SYNE4: variants seen among roughly 807,000 people sequenced by gnomAD.
The protein encoded by SYNE4 is spectrin repeat containing nuclear envelope family member 4, also known as nesprin-4.
SYNE4 carries 41 observed loss-of-function variants against 46.9 expected under a neutral mutation model. That is an observed-to-expected ratio of 0.87 (90% CI 0.68 to 1.13). SYNE4 has a LOEUF of 1.13. Ranked by LOEUF, SYNE4 falls within the 50% of genes most tolerant of loss-of-function variation. SYNE4 has a pLI of 0.00. For synonymous variants in SYNE4, 221 were observed against 219.5 expected, an observed-to-expected ratio of 1.01 and a Z score of -0.06; for missense variants, 492 against 514.8, an observed-to-expected ratio of 0.96 and a Z score of 0.43.
rs928159872 is a variant in SYNE4, at chr19:36,008,643, T to C, written c.39A>G (p.Ser13=). Residue 13 remains serine (S), a synonymous_variant, in exon 1 of 8, where the codon TCA becomes TCG. Coordinates refer to ENST00000324444, the MANE Select transcript of SYNE4 (RefSeq NM_001039876.3). ...CTCCCGGTGGGTGGTTGAGGGGCTC[T>C]GAGCCAAGTCTAGGGCCCAGAGGCA... is the stretch of plus-strand genomic sequence containing the variant. The part of the protein sequence containing the change: ...LSLPLGPRLG[S]EPLNHPPGAP... 1.9e-6 allele frequency: 3 copies of C among 1,613,792 alleles called. No homozygotes were observed. The African/African-American group carries it at 4.0e-5, about 22-fold the overall frequency.
In SYNE4 at chr19:36,008,234, C is replaced by G. The variant is rs200389249; in HGVS notation, c.262G>C (p.Gly88Arg). 6.2e-7 allele frequency: 1 copy of G among 1,611,124 alleles called. No individual in the cohort carries two copies. Among genetic ancestry groups the G allele is most frequent in the East Asian group, 2.2e-5 (1 of 44,804 alleles). Residue 88 changes from glycine to arginine, a missense_variant, in exon 2 of 8, where the codon GGG (glycine) becomes CGG (arginine). Gly to Arg is a moderately radical substitution (Grantham distance 125). Transcript: ENST00000324444. ...STPSSYEDPA[G>R]GKHCEHPISG... ...CAGCTCACCTCACAGTGTTTGCCCC[C>G]AGCTGGGTCCTCGTAGGAAGAGGGT... is the stretch of plus-strand genomic sequence containing the variant.
At chr19:36,007,394 T>C (rs777090189) in intron 2 of SYNE4, 126 bp from the exon 3 acceptor site, 102 of 1,437,014 alleles carry the variant, frequency 7.1e-5, no homozygotes, top group Non-Finnish European at 8.8e-5. Context: ...TCCGGGTCTG[T>C]CTGCACCAGG....
At chr19:36,007,839 C>G (rs545241150) in intron 2 of SYNE4, among the ~76,000 whole-genome samples, 2 of 151,894 alleles carry the variant, frequency 1.3e-5, no homozygotes, top group South Asian at 4.2e-4. Flanking sequence ...GCCTGGCCAA[C>G]AAGTCGAAAA....
rs867961537 is a variant in SYNE4, at chr19:36,006,215, G to T, written c.867+208C>A. The stretch of plus-strand genomic sequence containing the variant: ...GGCATCATCTGGGGGCCTCAGGATA[G>T]GAGTGAATTTGAGATGGGGCTTGAG... On this transcript the variant is annotated intron_variant, in intron 5 of 7. Coordinates refer to ENST00000324444, the MANE Select transcript of SYNE4 (RefSeq NM_001039876.3). The T allele has an allele frequency of 5.8e-5, 39 of 671,812 alleles. No individual in the cohort carries two copies. In the Middle Eastern group the frequency reaches 3.0e-3, roughly 52 times the overall value. The allele number at this position is 671,812 out of a possible 1,614,324, so 41.6% of individuals were successfully genotyped here.
chr19:36,006,249 C>T, intron 5 of SYNE4, 174 bp downstream of exon 5: 2 of 931,474 alleles, frequency 2.1e-6, no homozygotes, highest in Non-Finnish European at 3.0e-6. Context: ...AGGATGTAGA[C>T]AGAGACAGAC....
At chr19:36,007,404 G>C in intron 2 of SYNE4, 136 bp from the exon 3 acceptor site, 1 of 1,428,858 alleles carries the variant, frequency 7.0e-7, no homozygotes, top group East Asian at 2.6e-5. Flanking sequence ...TCTGCACCAG[G>C]ATGGCTCCCA....
rs10469279 is a variant in SYNE4 at position 36,005,219 on chromosome 19, A to G, written c.972+114T>C. ...AATTCAACAGTGCCTGGACCTTTCCATTACTTTTTTTTTTTTTAATAGCAT... is the reference window on the plus strand; with the variant it reads ...AATTCAACAGTGCCTGGACCTTTCCGTTACTTTTTTTTTTTTTAATAGCAT... On this transcript the variant is annotated intron_variant, in intron 6 of 7. Transcript: ENST00000324444. 439,146 of 1,083,978 alleles carry G rather than the reference A, an allele frequency of 0.41. 98,196 individuals carry two copies. The highest frequency in any genetic ancestry group is 0.78 in the African/African-American group (48,729 of 62,636). The allele number at this position is 1,083,978 out of a possible 1,614,324, so 67.1% of individuals were successfully genotyped here.
chr19:36,006,272 CAGTG>C, intron 5 of SYNE4, 147 bp downstream of exon 5: 1 of 1,068,584 alleles, frequency 9.4e-7, no homozygotes, highest in Non-Finnish European at 1.3e-6. Context: ...GAGAGAGAAA[CAGTG>C]AGATAGAAGG....
intron 2 of SYNE4, 155 bp from the exon 3 acceptor site, chr19:36,007,423 G>A (rs1282820826): frequency 4.6e-5 from 45 of 985,326 alleles, no homozygotes; most frequent in Non-Finnish European, 5.4e-5. Context: ...CACTGGGGGG[G>A]CCTTCCCAGT....
Position 36,005,371 on chromosome 19 carries a change from C to CTAAG in SYNE4, c.930_933dup (p.Ala312LeufsTer?), listed in dbSNP as rs779642231. 6.2e-7 allele frequency: 1 copy of CTAAG among 1,614,066 alleles called. No individual in the cohort carries two copies. The highest frequency in any genetic ancestry group is 1.1e-5 in the South Asian group (1 of 91,080). Reference sequence around the variant, plus strand: ...AGCAGGGAGTGTCTTTGGTGACGTGCTAAGCGTTTCTGGTGGCCGAGGCCA... The same window carrying CTAAG: ...AGCAGGGAGTGTCTTTGGTGACGTGCTAAGTAAGCGTTTCTGGTGGCCGAGGCCA... On this transcript the variant is annotated frameshift_variant, in exon 6 of 8. Transcript: ENST00000324444. LOFTEE classifies it high-confidence loss of function.
At position 36,006,938 on chromosome 19, in the gene SYNE4, G is replaced by A. The variant is rs1282369396; in HGVS notation, c.430C>T (p.Gln144Ter). ...QSGMVQLQAL[Q>*]VDLRGAAERV... ...TCAGCTGCCCCTCGTAGGTCCACCT[G>A]GAGGGCCTGGGGACATATGGACATC... The change falls in exon 4 of 8, where the codon CAG becomes TAG. Residue 144 changes from glutamine to a stop codon, truncating the protein, a stop_gained. Coordinates refer to ENST00000324444, the MANE Select transcript of SYNE4 (RefSeq NM_001039876.3). LOFTEE classifies it high-confidence loss of function. 1 of 1,547,278 alleles carries A rather than the reference G, an allele frequency of 6.5e-7. No individual in the cohort carries two copies.
Position 36,008,598 on chromosome 19 carries a change from A to C in SYNE4, c.84T>G (p.Ile28Met), listed in dbSNP as rs532471769. The stretch of plus-strand genomic sequence containing the variant: ...ACGCGGGGCAGACGGTGCATCCAAC[A>C]ATGTCCGCCTCTCTAGGTGCTCCCG... ...HPPGAPREAD[I>M]VGCTVCPASG... Residue 28 changes from isoleucine (I) to methionine (M), a missense_variant, in exon 1 of 8, where the codon ATT becomes ATG. Coordinates refer to ENST00000324444, the MANE Select transcript of SYNE4 (RefSeq NM_001039876.3). The C allele has an allele frequency of 6.2e-7, 1 of 1,613,726 alleles. No homozygotes were observed. The highest frequency in any genetic ancestry group is 8.5e-7 in the Non-Finnish European group (1 of 1,179,848).
chr19:36,003,713 A>G, intron 6 of SYNE4, 42 bp from the exon 7 acceptor site: 1 of 1,594,690 alleles, frequency 6.3e-7, no homozygotes, highest in Non-Finnish European at 8.5e-7. Context: ...GATAGAAATG[A>G]TGCTTTATTT....
At chr19:36,003,804 C>T in intron 6 of SYNE4, 133 bp from the exon 7 acceptor site, 1 of 1,339,998 alleles carries the variant, frequency 7.5e-7, no homozygotes, top group East Asian at 2.5e-5. Context: ...ACTGCAACCT[C>T]AGCCTCCCGG....
intron 6 of SYNE4, among the ~76,000 whole-genome samples, 190 bp downstream of exon 6, chr19:36,005,143 C>G (rs1443238145): frequency 6.6e-6 from 1 of 152,072 alleles, no homozygotes; most frequent in South Asian, 2.1e-4. Flanking sequence ...GCTGGGATTA[C>G]AGGCGTGAGC....
chr19:36,008,569 C>CCGGACG lies in SYNE4; in HGVS notation c.107_112dup (p.Ala36_Ser37dup). ...CGGCCCCCACCTCGTGCTCTCCTCT[C>CCGGACG]CGGACGCGGGGCAGACGGTGCATCC... On this transcript the variant is annotated inframe_insertion, in exon 1 of 8. Coordinates refer to ENST00000324444, the MANE Select transcript of SYNE4 (RefSeq NM_001039876.3). 1 of 1,613,904 alleles carries CCGGACG rather than the reference C, an allele frequency of 6.2e-7. No individual in the cohort carries two copies. Among genetic ancestry groups the CCGGACG allele is most frequent in the Non-Finnish European group, 8.5e-7 (1 of 1,179,938 alleles).
Position 36,003,395 on chromosome 19 carries a change from C to T in SYNE4, c.1157G>A (p.Arg386Gln), listed in dbSNP as rs200818193. The T allele has an allele frequency of 9.0e-5, 145 of 1,613,912 alleles. 1 individual carries two copies. The African/African-American group carries it at 1.3e-3, about 14-fold the overall frequency. The change falls in exon 8 of 8, where the codon CGA becomes CAA. Residue 386 changes from arginine to glutamine, a missense_variant. Transcript: ENST00000324444. ...ASGGPCCSHA[R>Q]IPRTPYLVLS... is the part of the protein sequence containing the mutation. ...CACCAGGTAGGGTGTCCTGGGTATT[C>T]GGGCATGAGAGCAGCAGGGGCCTCC...
chr19:36,008,741 A>T lies in SYNE4; in HGVS notation c.-60T>A. ...GCAGCCAGTAAGACCTCTTCCCTAG[A>T]CAAGGGTGTCCCAGAGCTCCTCCGC... On this transcript the variant is annotated 5_prime_UTR_variant, in exon 1 of 8. Transcript: ENST00000324444. 6.5e-7 allele frequency: 1 copy of T among 1,529,830 alleles called. No individual in the cohort carries two copies. Among genetic ancestry groups the T allele is most frequent in the South Asian group, 1.3e-5 (1 of 78,726 alleles). The allele number at this position is 1,529,830 out of a possible 1,614,324, so 94.8% of individuals were successfully genotyped here. A position where few individuals can be genotyped will look rare whatever the true frequency, so the allele number is the denominator to read the frequency against.
At chr19:36,008,166 G>T in intron 2 of SYNE4, 51 bp downstream of exon 2, 15 of 1,564,374 alleles carry the variant, frequency 9.6e-6, no homozygotes, top group Non-Finnish European at 1.3e-5. Context: ...GACTCCAGGG[G>T]ACAGAGAGGA....
Sources: allele counts gnomAD v4.1 joint callset (sites outside exome capture counted in the v4.1 genomes callset), GRCh38; gene constraint gnomAD v4.1.1; transcripts MANE v1.5; gene names NCBI Gene and HGNC (gene_info 2026-07-23, HGNC 2026-07-21).